Variants in MPZL1 observed in about 807,000 individuals in gnomAD.
The protein encoded by MPZL1 is myelin protein zero like 1, also known as myelin protein zero-like protein 1.
Under a neutral mutation model 29.3 loss-of-function variants are expected in MPZL1, and 16 were observed. The ratio of observed to expected loss-of-function variants is 0.55; its 90% CI spans 0.37 to 0.83. The LOEUF (loss-of-function observed/expected upper bound fraction) is 0.83, where lower values mean the gene tolerates loss of function less well. Ranked by LOEUF, MPZL1 falls within the 40% of genes least tolerant of loss-of-function variation. MPZL1 has a pLI of 0.00. For missense variants in MPZL1, 279 were observed against 332.9 expected (o/e 0.84, Z 1.26); for synonymous variants, 143 against 132.0 (o/e 1.08, Z -0.57).
intron 1 of MPZL1, among the ~76,000 whole-genome samples, chr1:167,754,747 A>T (rs1660832631): frequency 6.6e-6 from 1 of 152,192 alleles, no homozygotes; most frequent in African/African-American, 2.4e-5. Context: ...GCTGGGTAGT[A>T]ATTACATGTT....
At chr1:167,760,352 GC>G (rs1197713891) in intron 1 of MPZL1, among the ~76,000 whole-genome samples, 1 of 41,360 alleles carries the variant, frequency 2.4e-5, no homozygotes, top group African/African-American at 3.2e-4. Context: ...ACAGGCGCCC[GC>G]CACCACACCA....
At chr1:167,729,789 A>G (rs1660225580) in intron 1 of MPZL1, among the ~76,000 whole-genome samples, 2 of 152,188 alleles carry the variant, frequency 1.3e-5, no homozygotes, top group South Asian at 4.1e-4. Context: ...TTGAGTGCTT[A>G]CTATGTGCCA....
chr1:167,763,481 C>G (rs1006091134), intron 1 of MPZL1, among the ~76,000 whole-genome samples: 1 of 140,202 alleles, frequency 7.1e-6, no homozygotes, highest in Non-Finnish European at 1.5e-5. Context: ...GCCTGAGTGA[C>G]AAGATTGAGA....
Position 167,787,597 on chromosome 1 carries a change from A to G in MPZL1, c.709-223A>G, listed in dbSNP as rs78316785. On this transcript the variant is annotated intron_variant, in intron 5 of 5. Transcript: ENST00000359523. ...AAAAGGTTTGAAAGAATAATGTAAC[A>G]AAGCCCCATGTACTTGCTTTAACTA... Among the ~76,000 whole-genome samples the G allele has an allele frequency of 7.0e-3, 1,065 of 152,370 alleles. 11 individuals are homozygous for G. Among genetic ancestry groups the G allele is most frequent in the African/African-American group, 0.024 (1,013 of 41,584 alleles).
intron 1 of MPZL1, among the ~76,000 whole-genome samples, chr1:167,725,955 C>A (rs978498965): frequency 6.6e-6 from 1 of 152,240 alleles, no homozygotes; most frequent in Admixed American, 6.5e-5. Context: ...CACAAAACTG[C>A]AAGAATGATT....
intron 1 of MPZL1, among the ~76,000 whole-genome samples, chr1:167,757,964 A>G (rs1211952212): frequency 6.6e-6 from 1 of 152,138 alleles, no homozygotes; most frequent in African/African-American, 2.4e-5. Flanking sequence ...AGCCTGACCA[A>G]CATGGTAAAA....
intron 1 of MPZL1, among the ~76,000 whole-genome samples, chr1:167,746,059 T>C (rs1011104283): frequency 6.6e-6 from 1 of 152,054 alleles, no homozygotes; most frequent in African/African-American, 2.4e-5. Flanking sequence ...TTATAAGTCT[T>C]TTAAAATAAA....
chr1:167,754,744 A>G (rs1660832583), intron 1 of MPZL1, among the ~76,000 whole-genome samples: 1 of 152,186 alleles, frequency 6.6e-6, no homozygotes, highest in South Asian at 2.1e-4. Flanking sequence ...TATGCTGGGT[A>G]GTAATTACAT....
chr1:167,784,600 T>C (rs1314563712), intron 5 of MPZL1, among the ~76,000 whole-genome samples: 1 of 152,216 alleles, frequency 6.6e-6, no homozygotes, highest in Non-Finnish European at 1.5e-5. Flanking sequence ...CAGGGCTCCT[T>C]CCACCTCTAA....
intron 5 of MPZL1, among the ~76,000 whole-genome samples, chr1:167,783,767 G>C (rs1661538755): frequency 6.6e-6 from 1 of 152,054 alleles, no homozygotes; most frequent in African/African-American, 2.4e-5. Flanking sequence ...CCTCTGCTTT[G>C]ATAATCAGTA....
At chr1:167,723,325 G>A (rs1660078863) in intron 1 of MPZL1, among the ~76,000 whole-genome samples, 1 of 152,144 alleles carries the variant, frequency 6.6e-6, no homozygotes, top group African/African-American at 2.4e-5. Context: ...CTTGGATCAG[G>A]GAAACTAGGT....
intron 1 of MPZL1, among the ~76,000 whole-genome samples, chr1:167,745,710 T>C (rs1298500995): frequency 6.6e-6 from 1 of 152,110 alleles, no homozygotes; most frequent in Non-Finnish European, 1.5e-5. Context: ...TCCTGGGTTT[T>C]AAATTCTGAG....
chr1:167,772,499 G>T lies in MPZL1; in HGVS notation c.472+11G>T. ...ATGTCGTAGAAAAAGGTACTTCCTT[G>T]AGTATTTTGGCAGTAATAATGCAGT... On this transcript the variant is annotated intron_variant, in intron 3 of 5. Transcript: ENST00000359523. 2 of 1,603,504 alleles carry T rather than the reference G, an allele frequency of 1.2e-6. No homozygotes were observed. Among genetic ancestry groups the T allele is most frequent in the South Asian group, 2.2e-5 (2 of 90,118 alleles).
intron 1 of MPZL1, among the ~76,000 whole-genome samples, chr1:167,752,658 G>A (rs1486241825): frequency 6.6e-6 from 1 of 152,102 alleles, no homozygotes; most frequent in Non-Finnish European, 1.5e-5. Context: ...TCTGTTCAAG[G>A]GTGAGTGTTT....
chr1:167,782,172 C>T (rs1176417966), intron 5 of MPZL1, among the ~76,000 whole-genome samples: 1 of 152,094 alleles, frequency 6.6e-6, no homozygotes, highest in Non-Finnish European at 1.5e-5. Context: ...TTTTAAACTT[C>T]AATTTCATAT....
chr1:167,769,646 T>G (rs1200500553), intron 2 of MPZL1, among the ~76,000 whole-genome samples: 2 of 152,204 alleles, frequency 1.3e-5, no homozygotes, highest in East Asian at 3.8e-4. Flanking sequence ...TTTGTTAGCT[T>G]GTAAGTAGGG....
At chr1:167,731,444 T>C (rs1660268174) in intron 1 of MPZL1, among the ~76,000 whole-genome samples, 1 of 149,532 alleles carries the variant, frequency 6.7e-6, no homozygotes, top group Admixed American at 6.6e-5. Context: ...CTTTTTTTTT[T>C]TTTTTTTTTT....
chr1:167,765,863 C>A, intron 2 of MPZL1, 114 bp downstream of exon 2: 1 of 990,658 alleles, frequency 1.0e-6, no homozygotes. Context: ...TATTTTTTAT[C>A]TGTTATAGAC....
chr1:167,769,558 G>T (rs1433139327), intron 2 of MPZL1, among the ~76,000 whole-genome samples: 1 of 152,174 alleles, frequency 6.6e-6, no homozygotes, highest in East Asian at 1.9e-4. Context: ...CTTTGTTTCT[G>T]AGTCTTCTTC....
Sources: gnomAD v4.1 joint callset for allele counts (sites outside exome capture counted in the v4.1 genomes callset) on GRCh38, gnomAD v4.1.1 for gene constraint, MANE v1.5 for transcripts, NCBI Gene and HGNC (gene_info 2026-07-23, HGNC 2026-07-21) for gene names.